MYO3B: variants seen among roughly 807,000 people sequenced by gnomAD.
MYO3B encodes myosin-IIIb.
A neutral mutation model predicts 174.6 loss-of-function variants in MYO3B; 156 were observed. The ratio of observed to expected loss-of-function variants is 0.89; its 90% confidence interval spans 0.78 to 1.02. The LOEUF (loss-of-function observed/expected upper bound fraction) is 1.02, where lower values mean the gene tolerates loss of function less well. Ranked by LOEUF, MYO3B falls within the 50% of genes least tolerant of loss-of-function variation. The pLI is 0.00. For missense variants in MYO3B, 1,632 were observed against 1,639.4 expected, an observed-to-expected ratio of 1.00 and a Z score of 0.08; for synonymous variants, 563 against 569.1, an observed-to-expected ratio of 0.99 and a Z score of 0.15.
intron 32 of MYO3B, among the ~76,000 whole-genome samples, chr2:170,620,075 G>T (rs1276475428): frequency 1.3e-5 from 2 of 152,014 alleles, no homozygotes. Flanking sequence ...CTTAGAGGCT[G>T]TCCACCATAA....
At chr2:170,594,166 G>A (rs1049748003) in intron 32 of MYO3B, among the ~76,000 whole-genome samples, 2 of 152,240 alleles carry the variant, frequency 1.3e-5, no homozygotes, top group Admixed American at 6.5e-5. Context: ...AATTGGTCCA[G>A]AGTAGGACAA....
At chr2:170,299,444 T>G (rs2093650630) in intron 7 of MYO3B, among the ~76,000 whole-genome samples, 1 of 152,202 alleles carries the variant, frequency 6.6e-6, no homozygotes, top group South Asian at 2.1e-4. Context: ...ATAAATTTCT[T>G]TTCTAAAAAT....
chr2:170,425,738 T>C (rs1465814501), intron 22 of MYO3B, among the ~76,000 whole-genome samples: 2 of 152,192 alleles, frequency 1.3e-5, no homozygotes, highest in African/African-American at 4.8e-5. Context: ...CATCAGCTAC[T>C]CAGTAGTCTT....
chr2:170,239,700 A>G (rs1175616481), intron 7 of MYO3B, among the ~76,000 whole-genome samples: 3 of 152,234 alleles, frequency 2.0e-5, no homozygotes, highest in Non-Finnish European at 4.4e-5. Flanking sequence ...ACACAATTCA[A>G]AAAAAGGACA....
intron 32 of MYO3B, among the ~76,000 whole-genome samples, chr2:170,584,452 G>A (rs891949247): frequency 5.9e-5 from 9 of 152,272 alleles, no homozygotes; most frequent in Non-Finnish European, 1.2e-4. Flanking sequence ...TATTACTTGA[G>A]CCTGTGGAGA....
intron 32 of MYO3B, among the ~76,000 whole-genome samples, chr2:170,584,671 A>G (rs1693384554): frequency 6.6e-6 from 1 of 152,246 alleles, no homozygotes; most frequent in Non-Finnish European, 1.5e-5. Flanking sequence ...CGTGATTAAT[A>G]AGACCTTTTA....
chr2:170,636,991 G>A (rs1218413477), intron 32 of MYO3B, among the ~76,000 whole-genome samples: 2 of 100,462 alleles, frequency 2.0e-5, no homozygotes, highest in Admixed American at 1.0e-4. Flanking sequence ...TGTGTGTGTA[G>A]GCAATAATTT....
chr2:170,337,274 G>A (rs1272349845), intron 8 of MYO3B, among the ~76,000 whole-genome samples: 1 of 152,056 alleles, frequency 6.6e-6, no homozygotes, highest in Non-Finnish European at 1.5e-5. Flanking sequence ...TGGGAGCTAA[G>A]GTTCCAATGA....
chr2:170,369,971 C>T (rs2094228312), intron 9 of MYO3B, among the ~76,000 whole-genome samples: 1 of 152,078 alleles, frequency 6.6e-6, no homozygotes, highest in Non-Finnish European at 1.5e-5. Flanking sequence ...CCTACCCTAC[C>T]TCATCCTCTT....
intron 22 of MYO3B, among the ~76,000 whole-genome samples, chr2:170,439,080 T>A (rs1027067534): frequency 3.3e-5 from 5 of 151,048 alleles, no homozygotes; most frequent in African/African-American, 4.9e-5. Flanking sequence ...AAATTGTTTT[T>A]TTTTTTTTTG....
intron 22 of MYO3B, among the ~76,000 whole-genome samples, chr2:170,415,777 C>G (rs966498122): frequency 6.6e-6 from 1 of 152,212 alleles, no homozygotes; most frequent in Non-Finnish European, 1.5e-5. Context: ...TACGCAGCAT[C>G]CCTTCCTCTC....
chr2:170,624,904 C>G (rs545503276), intron 32 of MYO3B, among the ~76,000 whole-genome samples: 1 of 152,092 alleles, frequency 6.6e-6, no homozygotes, highest in Non-Finnish European at 1.5e-5. Context: ...CCTTGCATCC[C>G]AGGAATGAAG....
intron 14 of MYO3B, among the ~76,000 whole-genome samples, chr2:170,391,208 T>C (rs2094409483): frequency 6.6e-6 from 1 of 152,024 alleles, no homozygotes; most frequent in South Asian, 2.1e-4. Flanking sequence ...AAGCAACATG[T>C]GGTACAAGCA....
At chr2:170,600,572 T>G (rs568183029) in intron 32 of MYO3B, among the ~76,000 whole-genome samples, 8 of 152,326 alleles carry the variant, frequency 5.3e-5, no homozygotes, top group Non-Finnish European at 1.0e-4. Flanking sequence ...TTAAAAATAC[T>G]TTTAATGGAA....
At chr2:170,401,362 C>T (rs777325786) in intron 17 of MYO3B, 119 bp from the exon 18 acceptor site, 18 of 879,318 alleles carry the variant, frequency 2.0e-5, no homozygotes, top group Non-Finnish European at 2.9e-5. Flanking sequence ...GCCTGTTTAT[C>T]TTTGAGTCAA....
chr2:170,609,341 T>TATTC (rs1173234820), intron 32 of MYO3B, among the ~76,000 whole-genome samples: 2 of 152,142 alleles, frequency 1.3e-5, no homozygotes, highest in African/African-American at 4.8e-5. Flanking sequence ...TACAAGCAGG[T>TATTC]ATTCCTTCAG....
At chr2:170,557,294 C>A (rs1039818054) in intron 32 of MYO3B, among the ~76,000 whole-genome samples, 1 of 152,052 alleles carries the variant, frequency 6.6e-6, no homozygotes, top group Non-Finnish European at 1.5e-5. Context: ...CGCCCACCAC[C>A]ATGCCCAGCT....
intron 32 of MYO3B, among the ~76,000 whole-genome samples, chr2:170,565,847 T>G (rs955347189): frequency 1.3e-5 from 2 of 152,142 alleles, no homozygotes; most frequent in African/African-American, 4.8e-5. Flanking sequence ...GAGAGAAAAA[T>G]TAACTGGGTT....
chr2:170,469,387 A>C (rs1295300079), intron 25 of MYO3B, among the ~76,000 whole-genome samples: 2 of 152,190 alleles, frequency 1.3e-5, no homozygotes, highest in Non-Finnish European at 2.9e-5. Flanking sequence ...TAAGTCTTCT[A>C]GGGATTTTTG....
Sources: allele counts gnomAD v4.1 joint callset (sites outside exome capture counted in the v4.1 genomes callset), GRCh38; gene constraint gnomAD v4.1.1; transcripts MANE v1.5; gene names NCBI Gene and HGNC (gene_info 2026-07-23, HGNC 2026-07-21).